GPC5: variants seen among roughly 807,000 people sequenced by gnomAD.
GPC5 encodes the protein glypican 5.
A neutral mutation model predicts 53.9 loss-of-function variants in GPC5; 47 were observed. That is an observed-to-expected ratio of 0.87 (90% confidence interval 0.69 to 1.11). The LOEUF (loss-of-function observed/expected upper bound fraction) is 1.11. Ranked by LOEUF, GPC5 falls within the 50% of genes most tolerant of loss-of-function variation. The pLI is 0.00. For synonymous variants in GPC5, 286 were observed against 263.3 expected (o/e 1.09, Z -0.84); for missense variants, 748 against 713.1 (o/e 1.05, Z -0.56).
chr13:91,879,475 A>G (rs1197055562), intron 5 of GPC5, among the ~76,000 whole-genome samples: 1 of 152,214 alleles, frequency 6.6e-6, no homozygotes, highest in African/African-American at 2.4e-5. Context: ...GGGCTGGGAA[A>G]TCTAAGACCA....
intron 7 of GPC5, among the ~76,000 whole-genome samples, chr13:92,170,477 G>A (rs147792032): frequency 7.3e-6 from 1 of 137,138 alleles, no homozygotes; most frequent in Non-Finnish European, 1.5e-5. Context: ...CCAGGCTGGA[G>A]TGTAGTGGTG....
chr13:92,311,230 G>C (rs139363295), intron 7 of GPC5, among the ~76,000 whole-genome samples: 1 of 152,064 alleles, frequency 6.6e-6, no homozygotes, highest in Admixed American at 6.6e-5. Context: ...GTGAAAGAAG[G>C]TCATTATTCA....
At chr13:91,813,769 AAAAC>A (rs1394717155) in intron 5 of GPC5, among the ~76,000 whole-genome samples, 2 of 152,190 alleles carry the variant, frequency 1.3e-5, no homozygotes, top group Non-Finnish European at 2.9e-5. Context: ...TTAGTTTAGA[AAAAC>A]AAATAAATAA....
chr13:92,640,556 G>A (rs1001310003), intron 7 of GPC5, among the ~76,000 whole-genome samples: 2 of 152,064 alleles, frequency 1.3e-5, no homozygotes, highest in African/African-American at 2.4e-5. Context: ...CACTACGCCC[G>A]GCCCCAGATG....
intron 7 of GPC5, among the ~76,000 whole-genome samples, chr13:92,767,682 G>A (rs1344456312): frequency 1.3e-5 from 2 of 152,092 alleles, no homozygotes; most frequent in Admixed American, 6.5e-5. Context: ...ATACAGACAG[G>A]TTTACTCTTT....
At chr13:92,179,289 T>C (rs1253291801) in intron 7 of GPC5, among the ~76,000 whole-genome samples, 2 of 152,334 alleles carry the variant, frequency 1.3e-5, no homozygotes, top group East Asian at 1.9e-4. Flanking sequence ...TGGTTTATAA[T>C]CTTGTCAAAC....
intron 7 of GPC5, among the ~76,000 whole-genome samples, chr13:92,561,134 G>A (rs577750353): frequency 1.6e-4 from 25 of 151,802 alleles, no homozygotes; most frequent in African/African-American, 3.9e-4. Context: ...ATCCTTCTTC[G>A]GTGAAGTAAT....
intron 2 of GPC5, among the ~76,000 whole-genome samples, chr13:91,505,359 A>G (rs1884884925): frequency 6.6e-6 from 1 of 152,216 alleles, no homozygotes; most frequent in Non-Finnish European, 1.5e-5. Context: ...TTGGATGATT[A>G]CTTGTTCAAT....
At chr13:91,670,961 A>G (rs1037241265) in intron 2 of GPC5, among the ~76,000 whole-genome samples, 16 of 152,220 alleles carry the variant, frequency 1.1e-4, no homozygotes, top group African/African-American at 1.9e-4. Flanking sequence ...TATGACAGCT[A>G]GTGTTCCTAT....
intron 7 of GPC5, among the ~76,000 whole-genome samples, chr13:92,285,366 T>C (rs1594068071): frequency 6.6e-6 from 1 of 152,272 alleles, no homozygotes; most frequent in African/African-American, 2.4e-5. Context: ...CCAATGACTG[T>C]CTTCACAGAA....
chr13:91,439,836 G>A (rs78686777), intron 1 of GPC5, among the ~76,000 whole-genome samples: 5,396 of 152,070 alleles, frequency 0.035, 145 homozygotes, highest in Middle Eastern at 0.068. Flanking sequence ...CAGAAACACC[G>A]ATTCTCAAAA....
chr13:92,003,224 G>A (rs2040572021), intron 6 of GPC5, among the ~76,000 whole-genome samples: 1 of 151,250 alleles, frequency 6.6e-6, no homozygotes, highest in African/African-American at 2.4e-5. Flanking sequence ...AGGAGACTGA[G>A]GCAGGAGAAT....
intron 7 of GPC5, among the ~76,000 whole-genome samples, chr13:92,159,593 CTTTTTTTTTTTTTT>C (rs71120074): frequency 1.0e-4 from 6 of 57,218 alleles, no homozygotes; most frequent in South Asian, 8.2e-4. Flanking sequence ...TACCAATGTT[CTTTTTTTTTTTTTT>C]TTTTTTTTTT....
At chr13:92,009,815 T>C (rs762097369) in intron 6 of GPC5, among the ~76,000 whole-genome samples, 57 of 152,296 alleles carry the variant, frequency 3.7e-4, no homozygotes, top group Non-Finnish European at 6.9e-4. Flanking sequence ...AGGACTCACC[T>C]TTTTTATTTA....
chr13:92,652,959 A>T (rs1370703268), intron 7 of GPC5, among the ~76,000 whole-genome samples: 1 of 152,066 alleles, frequency 6.6e-6, no homozygotes, highest in Non-Finnish European at 1.5e-5. Flanking sequence ...AACCTTCCAG[A>T]GCTTACTATT....
intron 6 of GPC5, among the ~76,000 whole-genome samples, chr13:91,991,641 T>C (rs1346385762): frequency 6.6e-6 from 1 of 152,192 alleles, no homozygotes; most frequent in Non-Finnish European, 1.5e-5. Flanking sequence ...GTGTGTGTGT[T>C]TACAGACTTT....
chr13:92,272,640 C>T (rs7321645), intron 7 of GPC5, among the ~76,000 whole-genome samples: 20,006 of 151,896 alleles, frequency 0.13, 1,593 homozygotes, highest in African/African-American at 0.22. Flanking sequence ...AAGTTCAACC[C>T]GGGCCTGGGA....
chr13:92,370,875 TG>T (rs1262756958), intron 7 of GPC5, among the ~76,000 whole-genome samples: 3 of 152,076 alleles, frequency 2.0e-5, no homozygotes, highest in Non-Finnish European at 4.4e-5. Flanking sequence ...CTGGGCACAG[TG>T]GGTGGCTCAC....
chr13:91,985,056 A>T (rs757848400), intron 6 of GPC5, among the ~76,000 whole-genome samples: 5 of 152,174 alleles, frequency 3.3e-5, no homozygotes, highest in Admixed American at 6.5e-5. Context: ...GTTATCGTAA[A>T]TTATTCAGCT....
Sources: gnomAD v4.1 joint callset for allele counts (sites outside exome capture counted in the v4.1 genomes callset) on GRCh38, gnomAD v4.1.1 for gene constraint, MANE v1.5 for transcripts, NCBI Gene and HGNC (gene_info 2026-07-23, HGNC 2026-07-21) for gene names.